Variants in PPARGC1A observed in about 807,000 individuals in gnomAD.
PPARGC1A encodes the protein PPARG coactivator 1 alpha.
A neutral mutation model predicts 88.7 loss-of-function variants in PPARGC1A; 25 were observed. The ratio of observed to expected loss-of-function variants is 0.28; its 90% CI spans 0.21 to 0.39. The LOEUF (loss-of-function observed/expected upper bound fraction) is 0.39, where lower values mean the gene tolerates loss of function less well. Ranked by LOEUF, PPARGC1A falls within the 10% of genes least tolerant of loss-of-function variation. The probability of loss-of-function intolerance (pLI) is 1.00; values close to 1 mark genes in which losing one functional copy is unlikely to be tolerated. For synonymous variants in PPARGC1A, 363 were observed against 355.6 expected, an observed-to-expected ratio of 1.02 and a Z score of -0.24; for missense variants, 880 against 968.7, an observed-to-expected ratio of 0.91 and a Z score of 1.22.
At chr4:24,387,766 G>GAGAGAAAGAAAGAA in the PPARGC1A span, among the ~76,000 whole-genome samples, 10 of 52,074 alleles carry the variant, frequency 1.9e-4, no homozygotes, top group African/African-American at 6.1e-4. Context: ...GAGAGAGAGA[G>GAGAGAAAGAAAGAA]AGAAAGAAAG....
chr4:24,125,538 T>G, the PPARGC1A span, among the ~76,000 whole-genome samples: 1 of 152,184 alleles, frequency 6.6e-6, no homozygotes, highest in Non-Finnish European at 1.5e-5. Context: ...CTCCCATTGA[T>G]GCTAGTAGGG....
the PPARGC1A span, among the ~76,000 whole-genome samples, chr4:24,392,882 A>G: frequency 2.0e-5 from 3 of 152,122 alleles, no homozygotes; most frequent in African/African-American, 7.2e-5. Flanking sequence ...CAAGTATTTT[A>G]TTTATCTCTC....
At chr4:23,963,756 A>T in the PPARGC1A span, among the ~76,000 whole-genome samples, 1 of 151,938 alleles carries the variant, frequency 6.6e-6, no homozygotes, top group South Asian at 2.1e-4. Flanking sequence ...GCTTTCATGA[A>T]CCCCCTTTCC....
chr4:24,356,574 G>A, the PPARGC1A span, among the ~76,000 whole-genome samples: 1 of 152,094 alleles, frequency 6.6e-6, no homozygotes, highest in East Asian at 1.9e-4. Flanking sequence ...ATTCTATTAT[G>A]GGCACTTCTC....
chr4:23,939,049 C>T, the PPARGC1A span, among the ~76,000 whole-genome samples: 1 of 152,140 alleles, frequency 6.6e-6, no homozygotes, highest in African/African-American at 2.4e-5. Flanking sequence ...GGGCAGCTTA[C>T]CCAGTGTTGC....
the PPARGC1A span, among the ~76,000 whole-genome samples, chr4:23,990,346 A>C: frequency 6.6e-6 from 1 of 151,822 alleles, no homozygotes; most frequent in African/African-American, 2.4e-5. Context: ...TATACAGTAT[A>C]TTATGTGATA....
chr4:24,305,165 ATGTG>A, the PPARGC1A span, among the ~76,000 whole-genome samples: 2 of 148,826 alleles, frequency 1.3e-5, no homozygotes, highest in South Asian at 2.1e-4. Context: ...ACACATATAT[ATGTG>A]TGTGTGTGTG....
chr4:23,845,318 G>A (rs1294509965), intron 2 of PPARGC1A, among the ~76,000 whole-genome samples: 3 of 151,988 alleles, frequency 2.0e-5, no homozygotes, highest in Non-Finnish European at 4.4e-5. Flanking sequence ...GTGCTTAGAC[G>A]GCACCATCAC....
At chr4:24,065,886 C>T in the PPARGC1A span, among the ~76,000 whole-genome samples, 1 of 152,276 alleles carries the variant, frequency 6.6e-6, no homozygotes, top group South Asian at 2.1e-4. Context: ...CCTTTAAAGG[C>T]AATGGAAGGA....
chr4:24,240,935 A>T, the PPARGC1A span, among the ~76,000 whole-genome samples: 1 of 152,154 alleles, frequency 6.6e-6, no homozygotes, highest in Non-Finnish European at 1.5e-5. Context: ...AGACAGTCAC[A>T]TCCCCCTCTC....
chr4:23,931,110 G>C, the PPARGC1A span, among the ~76,000 whole-genome samples: 1 of 152,178 alleles, frequency 6.6e-6, no homozygotes, highest in Non-Finnish European at 1.5e-5. Context: ...CCACCTCTGG[G>C]GACAGGGAAA....
the PPARGC1A span, among the ~76,000 whole-genome samples, chr4:23,937,624 T>A: frequency 6.6e-6 from 1 of 152,348 alleles, no homozygotes; most frequent in South Asian, 2.1e-4. Flanking sequence ...AATTTCTGCC[T>A]ATCCTCAACA....
the PPARGC1A span, among the ~76,000 whole-genome samples, chr4:24,348,234 A>C: frequency 1.1e-4 from 17 of 152,316 alleles, no homozygotes; most frequent in African/African-American, 4.1e-4. Flanking sequence ...CACAGCTCTT[A>C]AGATTCTTTC....
chr4:23,995,551 T>A, the PPARGC1A span, among the ~76,000 whole-genome samples: 7 of 152,170 alleles, frequency 4.6e-5, no homozygotes, highest in Non-Finnish European at 7.3e-5. Flanking sequence ...GCACCTCACA[T>A]CACTCTCCAG....
At chr4:24,200,452 A>C in the PPARGC1A span, among the ~76,000 whole-genome samples, 4 of 152,002 alleles carry the variant, frequency 2.6e-5, no homozygotes, top group Non-Finnish European at 5.9e-5. Flanking sequence ...CAGAGGTTGC[A>C]GTGAGCTGAG....
chr4:24,455,166 T>A, the PPARGC1A span, among the ~76,000 whole-genome samples: 1 of 152,354 alleles, frequency 6.6e-6, no homozygotes, highest in African/African-American at 2.4e-5. Context: ...CATTGAAGGC[T>A]GACTCTTACC....
chr4:24,323,005 A>C, the PPARGC1A span, among the ~76,000 whole-genome samples: 5 of 152,318 alleles, frequency 3.3e-5, no homozygotes, highest in South Asian at 6.2e-4. Flanking sequence ...ATCCATCATC[A>C]AAAAACAATT....
At chr4:24,328,293 G>A in the PPARGC1A span, among the ~76,000 whole-genome samples, 4 of 132,964 alleles carry the variant, frequency 3.0e-5, no homozygotes, top group East Asian at 2.3e-4. Flanking sequence ...CAACCAACCC[G>A]TCATTTTAGT....
chr4:23,951,293 A>C, the PPARGC1A span, among the ~76,000 whole-genome samples: 1 of 152,158 alleles, frequency 6.6e-6, no homozygotes, highest in Non-Finnish European at 1.5e-5. Context: ...AGGGTATGCC[A>C]GGCAGAGGGA....
Sources: allele counts gnomAD v4.1 joint callset (sites outside exome capture counted in the v4.1 genomes callset), GRCh38; gene constraint gnomAD v4.1.1; transcripts MANE v1.5; gene names NCBI Gene and HGNC (gene_info 2026-07-23, HGNC 2026-07-21).